P2RY6: variants seen among roughly 807,000 people sequenced by gnomAD.
P2RY6 encodes the protein P2Y purinoceptor 6.
P2RY6 carries 19 observed loss-of-function variants against 16.3 expected under a neutral mutation model. The observed-to-expected ratio is 1.16, with a 90% CI of 0.81 to 1.71. The LOEUF (loss-of-function observed/expected upper bound fraction) is 1.71, where lower values mean the gene tolerates loss of function less well. P2RY6 is among the 40% of genes most tolerant of loss of function. The pLI, the probability that P2RY6 is intolerant of heterozygous loss-of-function variation, is 0.00. For synonymous variants in P2RY6, 184 were observed against 201.5 expected, an observed-to-expected ratio of 0.91 and a Z score of 0.74; for missense variants, 389 against 455.5, an observed-to-expected ratio of 0.85 and a Z score of 1.33.
intron 1 of P2RY6, among the ~76,000 whole-genome samples, chr11:73,294,346 C>G (rs182384620): frequency 6.6e-6 from 1 of 152,330 alleles, no homozygotes; most frequent in East Asian, 1.9e-4. Flanking sequence ...ACTATGCCCT[C>G]ATGTATCTAG....
At position 73,297,477 on chromosome 11, in the gene P2RY6, C is replaced by T. The variant is rs1255336364; in HGVS notation, c.959C>T (p.Thr320Ile). 3 of 1,610,116 alleles carry T rather than the reference C, an allele frequency of 1.9e-6. No homozygotes were observed. The highest frequency in any genetic ancestry group is 2.5e-6 in the Non-Finnish European group (3 of 1,177,530). ...CCACATGAGCTCCTACAGAAACTCA[C>T]AGCCAAATGGCAGAGGCAGGGTCGC... ...RRPHELLQKL[T>I]AKWQRQGR The change falls in exon 3 of 3, where the codon ACA (threonine) becomes ATA (isoleucine). Residue 320 changes from threonine (T) to isoleucine (I), a missense_variant. Transcript: ENST00000540124.
At chr11:73,291,781 A>G (rs1443721302) in intron 1 of P2RY6, among the ~76,000 whole-genome samples, 3 of 151,866 alleles carry the variant, frequency 2.0e-5, no homozygotes, top group Non-Finnish European at 2.9e-5. Context: ...TCATCCTCCC[A>G]GCACACTGGT....
chr11:73,268,133 C>A (rs536973001), upstream of P2RY6, among the ~76,000 whole-genome samples: 2 of 152,254 alleles, frequency 1.3e-5, no homozygotes, highest in Non-Finnish European at 2.9e-5. Context: ...TTATGTGGAG[C>A]TGTTTCCGGG....
chr11:73,266,841 C>A (rs1863121765), intron 1 of P2RY6, among the ~76,000 whole-genome samples: 1 of 151,146 alleles, frequency 6.6e-6, no homozygotes, highest in Non-Finnish European at 1.5e-5. Context: ...GTACTGCTGC[C>A]CCAGAGGCCC....
intron 1 of P2RY6, among the ~76,000 whole-genome samples, chr11:73,291,047 A>T (rs780494538): frequency 2.0e-5 from 3 of 152,178 alleles, no homozygotes; most frequent in Non-Finnish European, 4.4e-5. Flanking sequence ...TATGTCCTTG[A>T]ACCCCTGAGA....
intron 1 of P2RY6, among the ~76,000 whole-genome samples, chr11:73,291,989 C>A (rs527864403): frequency 1.3e-5 from 2 of 152,348 alleles, no homozygotes; most frequent in Non-Finnish European, 2.9e-5. Flanking sequence ...TCCAGGTCGC[C>A]CTCTTGGAAT....
rs1375569746 is a variant in P2RY6, at chr11:73,297,584, G to A, written c.*79G>A. 3.7e-5 allele frequency: 42 copies of A among 1,137,316 alleles called. No individual in the cohort carries two copies. The highest frequency in any genetic ancestry group is 6.6e-5 in the Admixed American group (3 of 45,364). 70.5% of individuals were successfully genotyped at this position (1,137,316 alleles called of 1,614,324 possible). A position where few individuals can be genotyped will look rare whatever the true frequency, so the allele number is the denominator to read the frequency against. On this transcript the variant is annotated 3_prime_UTR_variant, in exon 3 of 3. Coordinates refer to ENST00000540124, the MANE Select transcript of P2RY6 (RefSeq NM_001277204.2). Reference sequence around the variant, plus strand: ...GAGCCCCACCAACCCCAAACCATGCGGAGAATTAGAGTTCAGCTCAGCTGG... The same window carrying A: ...GAGCCCCACCAACCCCAAACCATGCAGAGAATTAGAGTTCAGCTCAGCTGG...
chr11:73,273,174 C>T (rs1201724338), intron 1 of P2RY6, among the ~76,000 whole-genome samples: 3 of 151,474 alleles, frequency 2.0e-5, no homozygotes, highest in Non-Finnish European at 4.4e-5. Context: ...TGGGTTAAAA[C>T]TTTTCCAGAG....
chr11:73,292,402 G>A (rs1374599176), intron 1 of P2RY6, among the ~76,000 whole-genome samples: 1 of 152,232 alleles, frequency 6.6e-6, no homozygotes, highest in Non-Finnish European at 1.5e-5. Context: ...GGGAAGGCAG[G>A]CTAGATGGGT....
At chr11:73,279,216 G>A (rs1213170446) in intron 1 of P2RY6, among the ~76,000 whole-genome samples, 1 of 151,826 alleles carries the variant, frequency 6.6e-6, no homozygotes, top group African/African-American at 2.4e-5. Flanking sequence ...TTTGAATTGG[G>A]TTGTTTCTTT....
chr11:73,281,571 G>A (rs1391606211), intron 1 of P2RY6, among the ~76,000 whole-genome samples: 2 of 152,242 alleles, frequency 1.3e-5, no homozygotes, highest in Admixed American at 1.3e-4. Flanking sequence ...TGGGAACTGT[G>A]CTGGGCACAA....
Position 73,296,652 on chromosome 11 carries a change from T to C in P2RY6, c.134T>C (p.Ile45Thr), listed in dbSNP as rs1565174957. The change falls in exon 3 of 3, where the codon ATC becomes ACC. Residue 45 changes from isoleucine to threonine, a missense_variant. Transcript: ENST00000540124. The part of the protein sequence containing the change: ...AVLAAGLPLN[I>T]CVITQICTSR... ...CTGGCGGCTGGCCTGCCGCTGAACA[T>C]CTGTGTCATTACCCAGATCTGCACG... 6.2e-7 allele frequency: 1 copy of C among 1,614,126 alleles called. No individual in the cohort carries two copies. The highest frequency in any genetic ancestry group is 2.2e-5 in the East Asian group (1 of 44,876).
chr11:73,283,030 C>A (rs754250984), intron 1 of P2RY6, among the ~76,000 whole-genome samples: 2 of 152,234 alleles, frequency 1.3e-5, no homozygotes, highest in Middle Eastern at 6.8e-3. Context: ...AGAGTCAGGA[C>A]GGGAACCCCC....
At chr11:73,289,007 A>G (rs1864079917) in intron 1 of P2RY6, among the ~76,000 whole-genome samples, 1 of 152,228 alleles carries the variant, frequency 6.6e-6, no homozygotes, top group South Asian at 2.1e-4. Flanking sequence ...TTCCTGCCTC[A>G]GCTGGCTGGC....
chr11:73,289,715 C>G (rs1864120129), intron 1 of P2RY6, among the ~76,000 whole-genome samples: 1 of 152,204 alleles, frequency 6.6e-6, no homozygotes, highest in Non-Finnish European at 1.5e-5. Context: ...CTGATCTGAG[C>G]ATCCAAGCTC....
At chr11:73,272,847 G>A (rs1280103890) in intron 1 of P2RY6, among the ~76,000 whole-genome samples, 3 of 152,198 alleles carry the variant, frequency 2.0e-5, no homozygotes, top group Non-Finnish European at 4.4e-5. Context: ...TCTCTAAAAT[G>A]GGGGCAACCG....
At chr11:73,278,046 T>C (rs1863612067) in intron 1 of P2RY6, among the ~76,000 whole-genome samples, 1 of 152,256 alleles carries the variant, frequency 6.6e-6, no homozygotes, top group Non-Finnish European at 1.5e-5. Context: ...CATAACAAAA[T>C]GTATGATTTT....
At chr11:73,283,862 G>A (rs373812248) in intron 1 of P2RY6, among the ~76,000 whole-genome samples, 3 of 152,144 alleles carry the variant, frequency 2.0e-5, no homozygotes, top group East Asian at 1.9e-4. Flanking sequence ...GAGAGGGACT[G>A]GGGAGTGGGA....
At chr11:73,270,686 G>A (rs919220114), upstream of P2RY6, among the ~76,000 whole-genome samples, 4 of 152,194 alleles carry the variant, frequency 2.6e-5, no homozygotes, top group Admixed American at 6.5e-5. Context: ...GCACAAGCTC[G>A]GGATGCTCCC....
Sources: allele counts gnomAD v4.1 joint callset (sites outside exome capture counted in the v4.1 genomes callset), GRCh38; gene constraint gnomAD v4.1.1; transcripts MANE v1.5; gene names NCBI Gene and HGNC (gene_info 2026-07-23, HGNC 2026-07-21).